The following GRIA1 variants were observed in gnomAD, a reference collection of about 807,000 sequenced individuals.
GRIA1 encodes the protein glutamate receptor 1.
In GRIA1, 31 loss-of-function variants were observed where a neutral mutation model predicts 99.2. The ratio of observed to expected loss-of-function variants is 0.31; its 90% confidence interval spans 0.23 to 0.42. The LOEUF is 0.42. Among genes scored for constraint, GRIA1 ranks in the 10% least tolerant of loss-of-function variants. GRIA1 has a pLI of 1.00. For synonymous variants in GRIA1, 438 were observed against 432.4 expected (o/e 1.01, Z -0.16); for missense variants, 782 against 1,157.5 (o/e 0.68, Z 4.71).
At chr5:153,587,126 C>G (rs1463614471) in intron 2 of GRIA1, among the ~76,000 whole-genome samples, 1 of 152,098 alleles carries the variant, frequency 6.6e-6, no homozygotes, top group East Asian at 1.9e-4. Context: ...ATTGTAATCC[C>G]CAATGCTGAA....
At chr5:153,693,967 G>A (rs531835903) in intron 8 of GRIA1, among the ~76,000 whole-genome samples, 1 of 152,304 alleles carries the variant, frequency 6.6e-6, no homozygotes, top group Non-Finnish European at 1.5e-5. Flanking sequence ...TTTACATGAG[G>A]CATAGGCATG....
At chr5:153,520,213 C>T (rs570226406) in intron 2 of GRIA1, among the ~76,000 whole-genome samples, 1 of 152,336 alleles carries the variant, frequency 6.6e-6, no homozygotes, top group Non-Finnish European at 1.5e-5. Context: ...TCTTCAGACT[C>T]TCTAGTCATT....
intron 13 of GRIA1, among the ~76,000 whole-genome samples, chr5:153,782,076 A>G (rs774004454): frequency 6.6e-6 from 1 of 152,244 alleles, no homozygotes; most frequent in Non-Finnish European, 1.5e-5. Context: ...AATAATAATT[A>G]TAGTTAATAT....
At chr5:153,758,054 G>A (rs1762941498) in intron 11 of GRIA1, among the ~76,000 whole-genome samples, 1 of 152,036 alleles carries the variant, frequency 6.6e-6, no homozygotes. Flanking sequence ...TAGCCACAAA[G>A]CAAGGATTTC....
In GRIA1 at chr5:153,641,597, A is replaced by T. The variant is rs1753782887; in HGVS notation, c.221-5331A>T. Among the ~76,000 whole-genome samples, 4 of 152,292 alleles carry T rather than the reference A, an allele frequency of 2.6e-5. No individual in the cohort carries two copies. The South Asian group carries it at 8.3e-4, about 32-fold the overall frequency. The stretch of plus-strand genomic sequence containing the variant: ...GTTTCTTGGAGGCAGGGCCCTCAGA[A>T]TCTGACACTCTGGCAGGGCTCCCTG... On this transcript the variant is annotated intron_variant, in intron 2 of 15. Transcript: ENST00000285900.
At position 153,811,009 on chromosome 5, in the gene GRIA1, C is replaced by A. The variant is rs1007172196; in HGVS notation, c.2521-16C>A. The A allele has an allele frequency of 1.6e-5, 25 of 1,602,214 alleles. No homozygotes were observed. The highest frequency in any genetic ancestry group is 2.1e-5 in the Non-Finnish European group (24 of 1,169,440). ...TGCCAAGGACCCGGGGAAGAACCCC[C>A]GGTCCTCCTGAAAAGGGTTTTTGTT... On this transcript the variant is annotated splice_polypyrimidine_tract_variant and intron_variant, in intron 15 of 15. Transcript: ENST00000285900.
intron 2 of GRIA1, among the ~76,000 whole-genome samples, chr5:153,549,795 AG>A (rs1759966304): frequency 1.3e-5 from 2 of 152,152 alleles, no homozygotes; most frequent in African/African-American, 2.4e-5. Context: ...GGGAGATAGA[AG>A]GGTGGCTTGC....
intron 13 of GRIA1, among the ~76,000 whole-genome samples, chr5:153,790,159 A>C (rs1765208492): frequency 6.6e-6 from 1 of 152,182 alleles, no homozygotes; most frequent in Non-Finnish European, 1.5e-5. Context: ...CTGAAGCCAC[A>C]GGAGGCAGGT....
chr5:153,674,682 C>A, intron 6 of GRIA1, 21 bp downstream of exon 6: 4 of 1,612,242 alleles, frequency 2.5e-6, no homozygotes, highest in African/African-American at 1.3e-5. Flanking sequence ...GGGCAGCCAG[C>A]AGCAAAGGGC....
rs1760440938 is a variant in GRIA1 at position 153,554,484 on chromosome 5, G to T, written c.220+60419G>T. ...GGTGGGGCTCAGGAAGTGGTTTTTT[G>T]TTGTTGTTGCTGCTTTGTTTTGTTT... On this transcript the variant is annotated intron_variant, in intron 2 of 15. Coordinates refer to ENST00000285900, the MANE Select transcript of GRIA1 (RefSeq NM_000827.4). 2.6e-5 allele frequency among the ~76,000 whole-genome samples: 4 copies of T among 152,194 alleles called. No homozygotes were observed. The South Asian group carries it at 8.3e-4, about 32-fold the overall frequency.
intron 2 of GRIA1, among the ~76,000 whole-genome samples, chr5:153,499,317 T>C (rs1405131702): frequency 6.6e-6 from 1 of 152,054 alleles, no homozygotes; most frequent in Non-Finnish European, 1.5e-5. Flanking sequence ...ATTCTCCTTT[T>C]AAAGATCTAT....
At chr5:153,702,384 G>A (rs534591432) in intron 10 of GRIA1, among the ~76,000 whole-genome samples, 2 of 152,214 alleles carry the variant, frequency 1.3e-5, no homozygotes, top group African/African-American at 4.8e-5. Context: ...TGCTGGCCCC[G>A]ACTTTTCCGG....
Position 153,705,843 on chromosome 5 carries a change from T to C in GRIA1, c.1599T>C (p.Asp533=). 5 of 1,614,002 alleles carry C rather than the reference T, an allele frequency of 3.1e-6. No homozygotes were observed. In the African/African-American group the frequency reaches 4.0e-5, roughly 13 times the overall value. Residue 533 remains aspartate (D), a synonymous_variant, in exon 11 of 16, where the codon GAT becomes GAC. Coordinates refer to ENST00000285900, the MANE Select transcript of GRIA1 (RefSeq NM_000827.4). ...AGCCGGGTGTCTTCTCCTTCCTTGA[T>C]CCTTTGGCTTATGAGATTTGGATGT... is the stretch of plus-strand genomic sequence containing the variant. ...KSKPGVFSFL[D]PLAYEIWMCI...
intron 2 of GRIA1, chr5:153,494,360 C>A (rs1013705496): frequency 5.7e-6 from 2 of 347,866 alleles, no homozygotes; most frequent in Non-Finnish European, 1.1e-5. Flanking sequence ...TTTTCTGGCA[C>A]AGCTGAGAGA....
At chr5:153,699,183 T>G (rs755334145) in intron 10 of GRIA1, 110 bp downstream of exon 10, 2 of 745,512 alleles carry the variant, frequency 2.7e-6, no homozygotes, top group African/African-American at 3.5e-5. Flanking sequence ...ACCCTGTAAT[T>G]GAGTGTTGTT....
intron 11 of GRIA1, among the ~76,000 whole-genome samples, chr5:153,709,100 G>T (rs889308693): frequency 2.0e-5 from 3 of 152,230 alleles, no homozygotes; most frequent in African/African-American, 7.2e-5. Context: ...AATGATCAAA[G>T]TTAGAGACTA....
chr5:153,570,861 G>T (rs1158392077), intron 2 of GRIA1, among the ~76,000 whole-genome samples: 3 of 152,062 alleles, frequency 2.0e-5, no homozygotes, highest in Non-Finnish European at 4.4e-5. Context: ...AATTCCTATA[G>T]TCAAATAGAA....
intron 2 of GRIA1, among the ~76,000 whole-genome samples, chr5:153,545,086 G>A (rs1759484678): frequency 6.6e-6 from 1 of 152,108 alleles, no homozygotes; most frequent in Non-Finnish European, 1.5e-5. Context: ...TGTGCTCTGA[G>A]GAGACCCTGA....
chr5:153,589,275 CTG>C (rs1763756405), intron 2 of GRIA1, among the ~76,000 whole-genome samples: 1 of 152,118 alleles, frequency 6.6e-6, no homozygotes, highest in Non-Finnish European at 1.5e-5. Flanking sequence ...AATATCTATT[CTG>C]TGAGGTGCAT....
Sources: gnomAD v4.1 joint callset for allele counts (sites outside exome capture counted in the v4.1 genomes callset) on GRCh38, gnomAD v4.1.1 for gene constraint, MANE v1.5 for transcripts, NCBI Gene and HGNC (gene_info 2026-07-23, HGNC 2026-07-21) for gene names.